The following AGAP1 variants were observed in gnomAD, a reference collection of about 807,000 sequenced individuals.
The protein encoded by AGAP1 is arf-GAP with GTPase, ANK repeat and PH domain-containing protein 1.
Under a neutral mutation model 105.3 loss-of-function variants are expected in AGAP1, and 29 were observed. The ratio of observed to expected loss-of-function variants is 0.28; its 90% CI spans 0.21 to 0.38. The LOEUF is 0.38. Ranked by LOEUF, AGAP1 falls within the 10% of genes least tolerant of loss-of-function variation. The pLI is 1.00. For synonymous variants in AGAP1, 509 were observed against 485.9 expected (o/e 1.05, Z -0.63); for missense variants, 998 against 1,165.1 (o/e 0.86, Z 2.09).
Position 236,120,441 on chromosome 2 carries a change from G to A in AGAP1, c.2364G>A (p.Leu788=). ...RKGNVVLAQL[L]IWYGVDVTAR... is the part of the protein sequence containing the mutation. The stretch of plus-strand genomic sequence containing the variant: ...GGAATGTGGTCCTGGCGCAGCTCCT[G>A]ATCTGGGTAGGTGGTCGGCACGCCT... Residue 788 remains leucine (L), a synonymous_variant, in exon 17 of 18, where the codon CTG becomes CTA. Coordinates refer to ENST00000304032, the MANE Select transcript of AGAP1 (RefSeq NM_001037131.3). This position sits in a 1 kb window ranked among gnomAD's most constrained non-coding sequence, Gnocchi z 6.0. 1 of 1,611,390 alleles carries A rather than the reference G, an allele frequency of 6.2e-7. No individual in the cohort carries two copies. Among genetic ancestry groups the A allele is most frequent in the Non-Finnish European group, 8.5e-7 (1 of 1,179,770 alleles).
chr2:235,511,987 C>T (rs891234324), intron 1 of AGAP1, among the ~76,000 whole-genome samples: 21 of 115,058 alleles, frequency 1.8e-4, no homozygotes, highest in African/African-American at 3.2e-4. Flanking sequence ...TGTGTGAATG[C>T]GTGTGTGAAT....
rs1030840180 is a variant in AGAP1, at chr2:236,090,857, A to G, written c.2115-29335A>G. Among the ~76,000 whole-genome samples, 4 of 152,174 alleles carry G rather than the reference A, an allele frequency of 2.6e-5. No homozygotes were observed. In the East Asian group the frequency reaches 7.7e-4, roughly 29 times the overall value. On this transcript the variant is annotated intron_variant, in intron 16 of 17. Transcript: ENST00000304032. The surrounding 1 kb of genome is among the most constrained non-coding windows in gnomAD (Gnocchi z 4.3). ...CAGGTTCAAGCGATTCTCATGCCTCAGCCTCCTGAGTAGCTGGGATTACAG... is the reference window on the plus strand; with the variant it reads ...CAGGTTCAAGCGATTCTCATGCCTCGGCCTCCTGAGTAGCTGGGATTACAG...
intron 12 of AGAP1, among the ~76,000 whole-genome samples, chr2:235,945,411 G>A (rs1388867858): frequency 6.6e-6 from 1 of 152,180 alleles, no homozygotes; most frequent in Admixed American, 6.5e-5. Context: ...TGCGCTAGCA[G>A]AAAAGTCCCA....
chr2:235,978,890 T>G (rs1317938496), intron 13 of AGAP1, among the ~76,000 whole-genome samples: 1 of 152,094 alleles, frequency 6.6e-6, no homozygotes, highest in Admixed American at 6.5e-5. Flanking sequence ...AACAAGTGCA[T>G]GCACACTCTG....
intron 1 of AGAP1, among the ~76,000 whole-genome samples, chr2:235,704,637 T>C (rs1342998276): frequency 1.4e-5 from 2 of 140,122 alleles, no homozygotes; most frequent in African/African-American, 5.2e-5. Flanking sequence ...AGAGCGAGAC[T>C]CCGTCTCAAA....
chr2:235,794,401 G>C (rs1242564160), intron 6 of AGAP1, among the ~76,000 whole-genome samples: 1 of 152,190 alleles, frequency 6.6e-6, no homozygotes, highest in Non-Finnish European at 1.5e-5. Context: ...ATGTGACAGA[G>C]TCATAGGGAA....
At chr2:236,068,597 G>A (rs1490537788) in intron 16 of AGAP1, among the ~76,000 whole-genome samples, 2 of 151,454 alleles carry the variant, frequency 1.3e-5, no homozygotes, top group South Asian at 2.1e-4. Context: ...TCAGGAGATC[G>A]AGACCATCCT....
chr2:235,673,230 A>C (rs1252199176), intron 1 of AGAP1, among the ~76,000 whole-genome samples: 1 of 152,206 alleles, frequency 6.6e-6, no homozygotes, highest in Admixed American at 6.5e-5. Flanking sequence ...TCATTTTATT[A>C]CATTTTTCCA....
chr2:236,125,238 A>T lies in AGAP1; in HGVS notation c.*1116A>T, dbSNP rs561483948. 7 of 154,222 alleles carry T rather than the reference A, an allele frequency of 4.5e-5. No homozygotes were observed. The South Asian group carries it at 1.5e-3, about 32-fold the overall frequency. 9.6% of individuals were successfully genotyped at this position (154,222 alleles called of 1,614,324 possible). On this transcript the variant is annotated 3_prime_UTR_variant, in exon 18 of 18. Coordinates refer to ENST00000304032, the MANE Select transcript of AGAP1 (RefSeq NM_001037131.3). This position sits in a 1 kb window ranked among gnomAD's most constrained non-coding sequence, Gnocchi z 5.2. ...ATGTGTGAAAATATATTTGAATAAA[A>T]GAAGTTCATAAATATGCATTGATTT...
At chr2:235,709,345 G>C in intron 2 of AGAP1, 108 bp downstream of exon 2, 2 of 1,282,728 alleles carry the variant, frequency 1.6e-6, no homozygotes, top group Non-Finnish European at 2.3e-6. Flanking sequence ...CAGAGTGGAA[G>C]TGTGACTCTG....
chr2:235,702,436 C>T (rs1051861447), intron 1 of AGAP1, among the ~76,000 whole-genome samples: 9 of 152,200 alleles, frequency 5.9e-5, no homozygotes, highest in Non-Finnish European at 1.2e-4. Context: ...CAGCCAGGCT[C>T]CTGCAGCCTG....
chr2:235,915,850 A>G (rs1202661345), intron 11 of AGAP1, among the ~76,000 whole-genome samples: 3 of 152,252 alleles, frequency 2.0e-5, no homozygotes, highest in Admixed American at 2.0e-4. Context: ...TGAAGAGTCA[A>G]GTATCAAGTT....
intron 16 of AGAP1, among the ~76,000 whole-genome samples, chr2:236,069,648 G>A (rs865831161): frequency 2.1e-4 from 32 of 151,276 alleles, no homozygotes; most frequent in African/African-American, 7.5e-4. Flanking sequence ...GGTCTTGAAC[G>A]CCTGACCTCA....
chr2:235,817,896 AAAG>A (rs1958550436), intron 9 of AGAP1, among the ~76,000 whole-genome samples: 1 of 152,252 alleles, frequency 6.6e-6, no homozygotes. Flanking sequence ...GTCTCAAAAA[AAAG>A]AAGAGTTTGT....
In AGAP1 at chr2:235,795,077, G is replaced by A. The variant is rs530239885; in HGVS notation, c.674-2682G>A. 3.9e-5 allele frequency among the ~76,000 whole-genome samples: 6 copies of A among 152,236 alleles called. No homozygotes were observed. In the East Asian group the frequency reaches 7.7e-4, roughly 20 times the overall value. On this transcript the variant is annotated intron_variant, in intron 6 of 17. Coordinates refer to ENST00000304032, the MANE Select transcript of AGAP1 (RefSeq NM_001037131.3). The stretch of plus-strand genomic sequence containing the variant: ...AGCCACAGAAGAGCAGCTCCCTCCC[G>A]TGACATTCCATCCATTTTCTTTGAG...
At chr2:235,589,199 T>TTTG (rs1945241404) in intron 1 of AGAP1, among the ~76,000 whole-genome samples, 1 of 98,754 alleles carries the variant, frequency 1.0e-5, no homozygotes, top group African/African-American at 6.1e-5. Flanking sequence ...GTTTTGTTTT[T>TTTG]TTTTTTTTTT....
At position 235,615,416 on chromosome 2, in the gene AGAP1, T is replaced by G. The variant is rs1946276756; in HGVS notation, c.164-93763T>G. On this transcript the variant is annotated intron_variant, in intron 1 of 17. Coordinates refer to ENST00000304032, the MANE Select transcript of AGAP1 (RefSeq NM_001037131.3). The surrounding 1 kb of genome is among the most constrained non-coding windows in gnomAD (Gnocchi z 5.0). ...AAGTTGGAATGATCCCATTCTTTAC[T>G]CACAGCCTGAGCTATTTTTTTTCAA... 6.6e-6 allele frequency among the ~76,000 whole-genome samples: 1 copy of G among 152,242 alleles called. No homozygotes were observed. Among genetic ancestry groups the G allele is most frequent in the Admixed American group, 6.5e-5 (1 of 15,278 alleles).
rs2054102481 is a variant in AGAP1, at chr2:235,959,725, C to T, written c.1484-8737C>T. Reference sequence around the variant, plus strand: ...GCCACTCCCTCGTGTAGCCGGTTCCCCTGCTGCTGCAGCCGGGCCCTCCCA... The same window carrying T: ...GCCACTCCCTCGTGTAGCCGGTTCCTCTGCTGCTGCAGCCGGGCCCTCCCA... On this transcript the variant is annotated intron_variant, in intron 12 of 17. Coordinates refer to ENST00000304032, the MANE Select transcript of AGAP1 (RefSeq NM_001037131.3). The surrounding 1 kb of genome is among the most constrained non-coding windows in gnomAD (Gnocchi z 7.3). 6.6e-6 allele frequency among the ~76,000 whole-genome samples: 1 copy of T among 152,322 alleles called. No homozygotes were observed. The highest frequency in any genetic ancestry group is 2.4e-5 in the African/African-American group (1 of 41,578).
chr2:236,044,002 C>T lies in AGAP1; in HGVS notation c.1891+3161C>T, dbSNP rs2057639789. Among the ~76,000 whole-genome samples, 1 of 152,148 alleles carries T rather than the reference C, an allele frequency of 6.6e-6. No homozygotes were observed. The highest frequency in any genetic ancestry group is 2.1e-4 in the South Asian group (1 of 4,832). On this transcript the variant is annotated intron_variant, in intron 15 of 17. Coordinates refer to ENST00000304032, the MANE Select transcript of AGAP1 (RefSeq NM_001037131.3). This position sits in a 1 kb window ranked among gnomAD's most constrained non-coding sequence, Gnocchi z 5.7. ...CAGTTCTTGCAGAGAATGCTCTAGA[C>T]CGCCAGGAGCCCCCTCTGTCTGCTC... is the stretch of plus-strand genomic sequence containing the variant.
Sources: gnomAD v4.1 joint callset for allele counts (sites outside exome capture counted in the v4.1 genomes callset) on GRCh38, gnomAD v4.1.1 for gene constraint, Gnocchi (gnomAD v3.1) non-coding constraint, MANE v1.5 for transcripts, NCBI Gene and HGNC (gene_info 2026-07-23, HGNC 2026-07-21) for gene names.